The following GAA variants were observed in gnomAD, a reference collection of about 807,000 sequenced individuals.
The protein encoded by GAA is lysosomal alpha-glucosidase.
In GAA, 88 loss-of-function variants were observed where a neutral mutation model predicts 103.9. The ratio of observed to expected loss-of-function variants is 0.85; its 90% CI spans 0.71 to 1.01. GAA has a LOEUF of 1.01. Ranked by LOEUF, GAA falls within the 50% of genes least tolerant of loss-of-function variation. The pLI is 0.00. For synonymous variants in GAA, 572 were observed against 563.1 expected, an observed-to-expected ratio of 1.02 and a Z score of -0.22; for missense variants, 1,350 against 1,305.3, an observed-to-expected ratio of 1.03 and a Z score of -0.53.
rs200302174 is a variant in GAA, at chr17:80,111,034, G to A, written c.1636+9G>A. ...CCCACCCTACGTGCCTGGTCAGCTC[G>A]CCCCCCACCTACCCTGGGGACTTAA... On this transcript the variant is annotated intron_variant, in intron 11 of 19. Coordinates refer to ENST00000302262, the MANE Select transcript of GAA (RefSeq NM_000152.5). The A allele has an allele frequency of 2.4e-5, 39 of 1,612,634 alleles. No individual in the cohort carries two copies. The East Asian group carries it at 3.6e-4, about 15-fold the overall frequency.
chr17:80,113,381 C>T lies in GAA; in HGVS notation c.2189+15C>T. ...CTCTTCCTGGAGTGAGTGACCTAGG[C>T]AGGGGCGGTGGCCCATGTGTGCCCT... On this transcript the variant is annotated intron_variant, in intron 15 of 19. Coordinates refer to ENST00000302262, the MANE Select transcript of GAA (RefSeq NM_000152.5). The T allele has an allele frequency of 6.5e-7, 1 of 1,549,666 alleles. No individual in the cohort carries two copies. The highest frequency in any genetic ancestry group is 8.7e-7 in the Non-Finnish European group (1 of 1,142,998).
At chr17:80,116,696 G>A (rs1346478000) in intron 15 of GAA, 4 of 529,814 alleles carry the variant, frequency 7.5e-6, no homozygotes, top group African/African-American at 3.8e-5. Flanking sequence ...GGCCAGTGCT[G>A]TGTCCATCCT....
chr17:80,117,241 G>A, intron 16 of GAA, 132 bp downstream of exon 16: 1 of 974,648 alleles, frequency 1.0e-6, no homozygotes, highest in Non-Finnish European at 1.6e-6. Context: ...CCATGTGCCA[G>A]GCCCCCACCC....
rs2039191738 is a variant in GAA at position 80,109,979 on chromosome 17, G to A, written c.1361G>A (p.Ser454Asn). Reference protein sequence around the residue: ...PAISSSGPAGSYRPYDEGLRR... With the variant: ...PAISSSGPAGNYRPYDEGLRR... ...ATCAGCAGCTCGGGCCCTGCCGGGA[G>A]CTACAGGCCCTACGACGAGGGTCTG... The change falls in exon 9 of 20, where the codon AGC (serine) becomes AAC (asparagine). Residue 454 changes from serine to asparagine, a missense_variant. Transcript: ENST00000302262. 3 of 1,613,286 alleles carry A rather than the reference G, an allele frequency of 1.9e-6. No homozygotes were observed. Among genetic ancestry groups the A allele is most frequent in the Non-Finnish European group, 2.5e-6 (3 of 1,179,960 alleles).
At position 80,108,701 on chromosome 17, in the gene GAA, T is replaced by C. The variant is rs1260530113; in HGVS notation, c.1199T>C (p.Val400Ala). The change falls in exon 8 of 20, where the codon GTC becomes GCC. Residue 400 changes from valine (V) to alanine (A), a missense_variant. Coordinates refer to ENST00000302262, the MANE Select transcript of GAA (RefSeq NM_000152.5). ...NMTRAHFPLD[V>A]QWNDLDYMDS... ...GGTCCCGTGTTGTGGCTGCAGGACG[T>C]CCAGTGGAACGACCTGGACTACATG... is the stretch of plus-strand genomic sequence containing the variant. 6.2e-7 allele frequency: 1 copy of C among 1,612,662 alleles called. No homozygotes were observed.
At position 80,105,230 on chromosome 17, in the gene GAA, CTGTGTGCTGGG is replaced by C. The variant is rs1471342872; in HGVS notation, c.546+99_546+109del. On this transcript the variant is annotated intron_variant, in intron 2 of 19. Transcript: ENST00000302262. Reference sequence around the variant, plus strand: ...CAAGGGTGGGGTGCATGTTGCACCACTGTGTGCTGGGCCCTTGCTGGGAGCGGAGGTGTGAG... The same window carrying C: ...CAAGGGTGGGGTGCATGTTGCACCACCCCTTGCTGGGAGCGGAGGTGTGAG... 523 of 1,237,708 alleles carry C rather than the reference CTGTGTGCTGGG, an allele frequency of 4.2e-4. 3 individuals carry two copies. In the African/African-American group the frequency reaches 6.5e-3, roughly 15 times the overall value. The allele number at this position is 1,237,708 out of a possible 1,614,324, so 76.7% of individuals were successfully genotyped here. A position where few individuals can be genotyped will look rare whatever the true frequency, so the allele number is the denominator to read the frequency against.
rs372486238 is a variant in GAA at position 80,108,536 on chromosome 17, C to T, written c.1123C>T (p.Arg375Cys). 3.5e-5 allele frequency: 56 copies of T among 1,612,856 alleles called. No homozygotes were observed. The highest frequency in any genetic ancestry group is 1.2e-4 in the South Asian group (11 of 91,062). ...CTGGGGCCTGGGCTTCCACCTGTGC[C>T]GCTGGGGCTACTCCTCCACCGCTAT... The part of the protein sequence containing the change: ...PYWGLGFHLC[R>C]WGYSSTAITR... Residue 375 changes from arginine to cysteine, a missense_variant, in exon 7 of 20, where the codon CGC (arginine) becomes TGC (cysteine). By Grantham distance (180) the Arg-to-Cys change is radical (BLOSUM62 -3). Transcript: ENST00000302262.
At position 80,108,829 on chromosome 17, in the gene GAA, G is replaced by T. The variant is rs1205507761; in HGVS notation, c.1326+1G>T. On this transcript the variant is annotated splice_donor_variant, in intron 8 of 19. Coordinates refer to ENST00000302262, the MANE Select transcript of GAA (RefSeq NM_000152.5). LOFTEE classifies it high-confidence loss of function. ...CGGCCGGCGCTACATGATGATCGTGGTGTGTGCCCCCACACTGTGGGTCTT... is the reference window on the plus strand; with the variant it reads ...CGGCCGGCGCTACATGATGATCGTGTTGTGTGCCCCCACACTGTGGGTCTT... 1 of 1,588,312 alleles carries T rather than the reference G, an allele frequency of 6.3e-7. No homozygotes were observed. The highest frequency in any genetic ancestry group is 1.8e-5 in the Admixed American group (1 of 56,350).
chr17:80,110,003 T>C lies in GAA; in HGVS notation c.1385T>C (p.Leu462Pro), dbSNP rs2143866454. ...AGSYRPYDEG[L>P]RRGVFITNET... The stretch of plus-strand genomic sequence containing the variant: ...AGCTACAGGCCCTACGACGAGGGTC[T>C]GCGGAGGGGGGTTTTCATCACCAAC... The change falls in exon 9 of 20, where the codon CTG becomes CCG. Residue 462 changes from leucine (L) to proline (P), a missense_variant. Transcript: ENST00000302262. 1 of 1,613,162 alleles carries C rather than the reference T, an allele frequency of 6.2e-7. No homozygotes were observed. The highest frequency in any genetic ancestry group is 8.5e-7 in the Non-Finnish European group (1 of 1,179,884).
chr17:80,112,686 G>A lies in GAA; in HGVS notation c.1863G>A (p.Trp621Ter). The change falls in exon 13 of 20, where the codon TGG (tryptophan) becomes TGA (stop). Residue 621 changes from tryptophan to a stop codon, truncating the protein, a stop_gained. Coordinates refer to ENST00000302262, the MANE Select transcript of GAA (RefSeq NM_000152.5). LOFTEE classifies it high-confidence loss of function. ...GGACGGGGGACGTGTGGAGCTCCTG[G>A]GAGCAGCTCGCCTCCTCCGTGCCAG... is the stretch of plus-strand genomic sequence containing the variant. ...GHWTGDVWSS[W>*]EQLASSVPEI... is the part of the protein sequence containing the mutation. 1 of 1,610,608 alleles carries A rather than the reference G, an allele frequency of 6.2e-7. No homozygotes were observed. Among genetic ancestry groups the A allele is most frequent in the South Asian group, 1.1e-5 (1 of 90,534 alleles).
intron 19 of GAA, 56 bp from the exon 20 acceptor site, chr17:80,119,216 G>C: frequency 1.9e-6 from 3 of 1,539,420 alleles, no homozygotes; most frequent in South Asian, 1.1e-5. Flanking sequence ...CTGAGCGCTG[G>C]GGTCTCACTG....
chr17:80,106,356 G>A (rs966266901), intron 3 of GAA, among the ~76,000 whole-genome samples: 5 of 152,270 alleles, frequency 3.3e-5, no homozygotes, highest in African/African-American at 9.6e-5. Flanking sequence ...GAGTGGTCAT[G>A]CAGAGAGCAC....
chr17:80,117,500 G>A, intron 16 of GAA, 100 bp from the exon 17 acceptor site: 1 of 1,403,970 alleles, frequency 7.1e-7, no homozygotes, highest in Non-Finnish European at 1.0e-6. Context: ...GGCCTCCTAG[G>A]CCTCCACGTG....
Position 80,108,776 on chromosome 17 carries a change from C to A in GAA, c.1274C>A (p.Pro425Gln), listed in dbSNP as rs765235868. 1 of 1,609,036 alleles carries A rather than the reference C, an allele frequency of 6.2e-7. No homozygotes were observed. Among genetic ancestry groups the A allele is most frequent in the South Asian group, 1.1e-5 (1 of 90,434 alleles). Residue 425 changes from proline (P) to glutamine (Q), a missense_variant, in exon 8 of 20, where the codon CCG (proline) becomes CAG (glutamine). By Grantham distance (76) the Pro-to-Gln change is moderately conservative. Transcript: ENST00000302262. ...TFNKDGFRDF[P>Q]AMVQELHQGG... ...AACAAGGATGGCTTCCGGGACTTCC[C>A]GGCCATGGTGCAGGAGCTGCACCAG...
Position 80,104,863 on chromosome 17 carries a change from G to C in GAA, c.277G>C (p.Ala93Pro). Residue 93 changes from alanine to proline, a missense_variant, in exon 2 of 20, where the codon GCC (alanine) becomes CCC (proline). Coordinates refer to ENST00000302262, the MANE Select transcript of GAA (RefSeq NM_000152.5). This position sits in a 1 kb window ranked among gnomAD's most constrained non-coding sequence, Gnocchi z 4.0. ...DVPPNSRFDC[A>P]PDKAITQEQC... ...CCCCCCCAACAGCCGCTTCGATTGC[G>C]CCCCTGACAAGGCCATCACCCAGGA... 1 of 1,612,796 alleles carries C rather than the reference G, an allele frequency of 6.2e-7. No individual in the cohort carries two copies. The highest frequency in any genetic ancestry group is 8.5e-7 in the Non-Finnish European group (1 of 1,179,920).
chr17:80,119,302 GGA>G lies in GAA; in HGVS notation c.2834_2835del (p.Glu945AlafsTer72). ...VLDICVSLLM[G>X]EQFLVSWC ...GGACATCTGTGTCTCGCTGTTGATG[GGA>G]GAGCAGTTTCTCGTCAGCTGGTGTT... On this transcript the variant is annotated frameshift_variant, in exon 20 of 20. Transcript: ENST00000302262. LOFTEE classifies it high-confidence loss of function. 1 of 1,614,104 alleles carries G rather than the reference GGA, an allele frequency of 6.2e-7. No individual in the cohort carries two copies. Among genetic ancestry groups the G allele is most frequent in the South Asian group, 1.1e-5 (1 of 91,086 alleles).
At chr17:80,106,831 A>T (rs1212712941) in intron 3 of GAA, among the ~76,000 whole-genome samples, 1 of 152,328 alleles carries the variant, frequency 6.6e-6, no homozygotes, top group East Asian at 1.9e-4. Context: ...CTGAGGCAAG[A>T]GGATCCCTTG....
Position 80,105,762 on chromosome 17 carries a change from C to G in GAA, c.560C>G (p.Ala187Gly), listed in dbSNP as rs749876645. 6 of 1,612,268 alleles carry G rather than the reference C, an allele frequency of 3.7e-6. No individual in the cohort carries two copies. The highest frequency in any genetic ancestry group is 5.1e-6 in the Non-Finnish European group (6 of 1,179,936). The change falls in exon 3 of 20, where the codon GCT becomes GGT. Residue 187 changes from alanine (A) to glycine (G), a missense_variant. Transcript: ENST00000302262. ...NRLHFTIKDP[A>G]NRRYEVPLET... is the part of the protein sequence containing the mutation. The stretch of plus-strand genomic sequence containing the variant: ...CATCTCTTCTAGATCAAAGATCCAG[C>G]TAACAGGCGCTACGAGGTGCCCTTG...
chr17:80,106,591 T>C (rs953516649), intron 3 of GAA, among the ~76,000 whole-genome samples: 36 of 152,128 alleles, frequency 2.4e-4, no homozygotes, highest in Non-Finnish European at 5.9e-5. Context: ...TGAGCTGACC[T>C]CTGAGTAGAG....
Sources: gnomAD v4.1 joint callset for allele counts (sites outside exome capture counted in the v4.1 genomes callset) on GRCh38, gnomAD v4.1.1 for gene constraint, Gnocchi (gnomAD v3.1) non-coding constraint, MANE v1.5 for transcripts, NCBI Gene and HGNC (gene_info 2026-07-23, HGNC 2026-07-21) for gene names.